ZNF423: variants seen among roughly 807,000 people sequenced by gnomAD.
ZNF423 encodes zinc finger protein 423.
Under a neutral mutation model 95.8 loss-of-function variants are expected in ZNF423, and 12 were observed. The ratio of observed to expected loss-of-function variants is 0.13; its 90% CI spans 0.08 to 0.20. The LOEUF (loss-of-function observed/expected upper bound fraction) is 0.20, where lower values mean the gene tolerates loss of function less well. ZNF423 is among the 10% of genes least tolerant of loss of function. ZNF423 has a pLI of 1.00. For synonymous variants in ZNF423, 749 were observed against 711.9 expected, an observed-to-expected ratio of 1.05 and a Z score of -0.83; for missense variants, 1,316 against 1,737.1, an observed-to-expected ratio of 0.76 and a Z score of 4.31.
intron 2 of ZNF423, chr16:49,731,354 C>T (rs1014872757): frequency 2.1e-5 from 21 of 985,310 alleles, no homozygotes; most frequent in Middle Eastern, 5.2e-4. Context: ...GTTTTCCCCA[C>T]AGCCTTGCAA....
intron 5 of ZNF423, among the ~76,000 whole-genome samples, chr16:49,608,075 C>G (rs1971596176): frequency 6.6e-6 from 1 of 152,200 alleles, no homozygotes; most frequent in South Asian, 2.1e-4. Flanking sequence ...TATGCCCCAC[C>G]TTTGCCCAGC....
At chr16:49,734,135 C>A (rs10468291) in intron 2 of ZNF423, among the ~76,000 whole-genome samples, 97,146 of 152,052 alleles carry the variant, frequency 0.64, 31,616 homozygotes, top group African/African-American at 0.77. Flanking sequence ...TCAGACCTAC[C>A]TGGAGACCGT....
At chr16:49,792,106 AT>A (rs997223131) in intron 1 of ZNF423, among the ~76,000 whole-genome samples, 3 of 149,962 alleles carry the variant, frequency 2.0e-5, no homozygotes, top group Admixed American at 6.7e-5. Context: ...TTTCTTTTTG[AT>A]TTTTTTTTCT....
At chr16:49,825,919 G>A (rs1328245808) in intron 1 of ZNF423, among the ~76,000 whole-genome samples, 2 of 152,188 alleles carry the variant, frequency 1.3e-5, no homozygotes, top group Admixed American at 6.5e-5. Context: ...CTTGCTTATT[G>A]AAAAGGGCTG....
Position 49,855,321 on chromosome 16 carries a change from T to G in ZNF423, c.40+414A>C, listed in dbSNP as rs1028734807. ...GTCCTCGCCGCCTCTTCCTTCCTCC[T>G]GTCGCCCGCCCGCCGCCGCCGAGAT... On this transcript the variant is annotated intron_variant, in intron 1 of 7. Transcript: ENST00000563137. The surrounding 1 kb of genome is among the most constrained non-coding windows in gnomAD (Gnocchi z 4.7). 2.6e-5 allele frequency among the ~76,000 whole-genome samples: 4 copies of G among 150,992 alleles called. No homozygotes were observed. Among genetic ancestry groups the G allele is most frequent in the Non-Finnish European group, 5.9e-5 (4 of 67,610 alleles).
chr16:49,705,748 A>T (rs913441652), intron 3 of ZNF423, among the ~76,000 whole-genome samples: 2 of 151,880 alleles, frequency 1.3e-5, no homozygotes, highest in Non-Finnish European at 2.9e-5. Context: ...GGGTTTCGCC[A>T]TGTTGGCTGG....
At chr16:49,730,296 G>A (rs918730161) in intron 3 of ZNF423, among the ~76,000 whole-genome samples, 5 of 152,182 alleles carry the variant, frequency 3.3e-5, no homozygotes, top group African/African-American at 1.2e-4. Flanking sequence ...AGAAGTGTGA[G>A]GTCAAGCACA....
At chr16:49,738,863 C>G (rs1024737145) in intron 2 of ZNF423, among the ~76,000 whole-genome samples, 4 of 152,064 alleles carry the variant, frequency 2.6e-5, no homozygotes, top group African/African-American at 9.7e-5. Context: ...GCGCCACATT[C>G]TAGGCATATC....
intron 7 of ZNF423, chr16:49,518,182 ATAACCTG>A (rs1288582293): frequency 2.6e-6 from 1 of 384,394 alleles, no homozygotes; most frequent in Non-Finnish European, 5.1e-6. Context: ...TGGAATCTAC[ATAACCTG>A]TGTTGACCAC....
At chr16:49,710,930 T>A (rs957401551) in intron 3 of ZNF423, among the ~76,000 whole-genome samples, 2 of 152,062 alleles carry the variant, frequency 1.3e-5, no homozygotes, top group African/African-American at 2.4e-5. Context: ...CAGATCCAAG[T>A]CTTATTTCAG....
At chr16:49,751,529 A>G (rs1035054215) in intron 2 of ZNF423, among the ~76,000 whole-genome samples, 2 of 152,200 alleles carry the variant, frequency 1.3e-5, no homozygotes, top group Non-Finnish European at 2.9e-5. Flanking sequence ...AAATTGGTCA[A>G]ATCTTATTGG....
intron 2 of ZNF423, among the ~76,000 whole-genome samples, chr16:49,750,652 G>A (rs2033617456): frequency 6.6e-6 from 1 of 152,248 alleles, no homozygotes; most frequent in African/African-American, 2.4e-5. Flanking sequence ...AACCGGGAAT[G>A]AGGTGGACAG....
chr16:49,745,608 G>A (rs1011145480), intron 2 of ZNF423, among the ~76,000 whole-genome samples: 2 of 152,188 alleles, frequency 1.3e-5, no homozygotes, highest in East Asian at 1.9e-4. Context: ...AGGCGCACTC[G>A]AGCGCGACGT....
At chr16:49,846,346 T>TGAG (rs1231005876) in intron 1 of ZNF423, among the ~76,000 whole-genome samples, 9 of 149,356 alleles carry the variant, frequency 6.0e-5, no homozygotes, top group Admixed American at 6.0e-4. Flanking sequence ...ACAGAGGTAG[T>TGAG]GAGCGCCCTG....
In ZNF423 at chr16:49,730,763, T is replaced by C. The variant is rs1022331646; in HGVS notation, c.301+8A>G. 1 of 1,614,254 alleles carries C rather than the reference T, an allele frequency of 6.2e-7. No individual in the cohort carries two copies. The highest frequency in any genetic ancestry group is 8.5e-7 in the Non-Finnish European group (1 of 1,180,040). ...ACCTGTCAGAGTCCTGGGGCTGTTT[T>C]GCATTACCTCCAGGACAGCGGTGGG... On this transcript the variant is annotated splice_region_variant and intron_variant, in intron 3 of 7. Coordinates refer to ENST00000563137, the MANE Select transcript of ZNF423 (RefSeq NM_001379286.1).
chr16:49,759,573 A>C (rs923153726), intron 2 of ZNF423, among the ~76,000 whole-genome samples: 1 of 152,132 alleles, frequency 6.6e-6, no homozygotes, highest in African/African-American at 2.4e-5. Flanking sequence ...AGCAGCACAT[A>C]CTCATGAAAG....
chr16:49,500,979 A>C (rs1019196956), intron 7 of ZNF423, among the ~76,000 whole-genome samples: 2 of 152,160 alleles, frequency 1.3e-5, no homozygotes, highest in African/African-American at 4.8e-5. Context: ...TGTTGCTCTT[A>C]GTGTGGGTCA....
At chr16:49,651,657 A>G (rs1196866275) in intron 3 of ZNF423, among the ~76,000 whole-genome samples, 7 of 152,224 alleles carry the variant, frequency 4.6e-5, no homozygotes, top group African/African-American at 1.7e-4. Flanking sequence ...GGGGATGACT[A>G]TTTATAGACC....
chr16:49,730,511 G>A lies in ZNF423; in HGVS notation c.301+260C>T, dbSNP rs541551876. On this transcript the variant is annotated intron_variant, in intron 3 of 7. Coordinates refer to ENST00000563137, the MANE Select transcript of ZNF423 (RefSeq NM_001379286.1). ...GTGCACATCCACCCATTCATGGCCTGAGTACCAGAGCACAGCTTGCGGGGA... is the reference window on the plus strand; with the variant it reads ...GTGCACATCCACCCATTCATGGCCTAAGTACCAGAGCACAGCTTGCGGGGA... 180 of 534,022 alleles carry A rather than the reference G, an allele frequency of 3.4e-4. 2 individuals carry two copies. The highest frequency in any genetic ancestry group is 1.2e-3 in the South Asian group (53 of 44,816). 33.1% of individuals were successfully genotyped at this position (534,022 alleles called of 1,614,324 possible). A position where few individuals can be genotyped will look rare whatever the true frequency, so the allele number is the denominator to read the frequency against.
Sources: allele counts gnomAD v4.1 joint callset (sites outside exome capture counted in the v4.1 genomes callset), GRCh38; gene constraint gnomAD v4.1.1; non-coding constraint Gnocchi (gnomAD v3.1); transcripts MANE v1.5; gene names NCBI Gene and HGNC (gene_info 2026-07-23, HGNC 2026-07-21).